RFC3: variants seen among roughly 807,000 people sequenced by gnomAD.
The protein encoded by RFC3 is A1 38 kDa subunit.
RFC3 carries 41 observed loss-of-function variants against 45.1 expected under a neutral mutation model. That is an observed-to-expected ratio of 0.91 (90% CI 0.71 to 1.18). The LOEUF is 1.18. Ranked by LOEUF, RFC3 falls within the 50% of genes most tolerant of loss-of-function variation. The pLI is 0.00. For synonymous variants in RFC3, 149 were observed against 144.0 expected, an observed-to-expected ratio of 1.03 and a Z score of -0.25; for missense variants, 423 against 428.1, an observed-to-expected ratio of 0.99 and a Z score of 0.10.
At chr13:33,851,595 G>A (rs1048233497) in intron 8 of RFC3, among the ~76,000 whole-genome samples, 4 of 152,058 alleles carry the variant, frequency 2.6e-5, no homozygotes, top group African/African-American at 9.7e-5. Flanking sequence ...TGTTGAGCAG[G>A]CTGTTGAGGA....
intron 8 of RFC3, among the ~76,000 whole-genome samples, chr13:33,954,279 A>C (rs753369417): frequency 6.6e-5 from 10 of 152,230 alleles, no homozygotes; most frequent in Non-Finnish European, 1.2e-4. Flanking sequence ...TTAGAGTTTC[A>C]TAAGTGTAGC....
intron 8 of RFC3, among the ~76,000 whole-genome samples, chr13:33,949,498 A>G (rs1042789796): frequency 3.3e-5 from 5 of 152,198 alleles, no homozygotes; most frequent in African/African-American, 7.2e-5. Context: ...TAGTTTATGT[A>G]TTGGTTATTC....
At chr13:33,861,137 C>T (rs2082338359) in intron 8 of RFC3, among the ~76,000 whole-genome samples, 1 of 152,004 alleles carries the variant, frequency 6.6e-6, no homozygotes, top group Non-Finnish European at 1.5e-5. Context: ...CTAGTTAAAG[C>T]TTCATGTCAT....
At chr13:33,943,554 TC>T (rs2082937186) in intron 8 of RFC3, among the ~76,000 whole-genome samples, 1 of 152,196 alleles carries the variant, frequency 6.6e-6, no homozygotes, top group African/African-American at 2.4e-5. Flanking sequence ...CACGATTTGA[TC>T]ATTATGTATT....
At chr13:33,822,899 A>G (rs1161246355) in intron 2 of RFC3, among the ~76,000 whole-genome samples, 1 of 152,206 alleles carries the variant, frequency 6.6e-6, no homozygotes, top group East Asian at 1.9e-4. Context: ...CATAAAATCA[A>G]TAGAAAAAGA....
In RFC3 at chr13:33,868,537, T is replaced by G. The variant is rs971849628; in HGVS notation, c.879+33320T>G. On this transcript the variant is annotated intron_variant, in intron 8 of 8. Coordinates refer to the RFC3 transcript ENST00000434425. ...TGGGGCAAGTCTTCACTTGTAACTT[T>G]GTAACTTCAGCCTCTGATTGGTCAC... Among the ~76,000 whole-genome samples the G allele has an allele frequency of 2.6e-5, 4 of 152,348 alleles. No homozygotes were observed. In the South Asian group the frequency reaches 8.3e-4, roughly 32 times the overall value.
At chr13:33,868,064 C>T (rs1016456078) in intron 8 of RFC3, among the ~76,000 whole-genome samples, 1 of 152,130 alleles carries the variant, frequency 6.6e-6, no homozygotes, top group African/African-American at 2.4e-5. Context: ...GGGTTGCCTT[C>T]CTTTGCTGGG....
At chr13:33,972,823 A>T in the RFC3 span, among the ~76,000 whole-genome samples, 3 of 152,184 alleles carry the variant, frequency 2.0e-5, no homozygotes, top group African/African-American at 7.2e-5. Flanking sequence ...TGTATTACAC[A>T]TATAATACAA....
intron 8 of RFC3, among the ~76,000 whole-genome samples, chr13:33,891,922 A>G (rs1204354749): frequency 6.6e-6 from 1 of 152,202 alleles, no homozygotes; most frequent in East Asian, 1.9e-4. Flanking sequence ...TTAACGAGAC[A>G]TCAGAAAATA....
intron 8 of RFC3, among the ~76,000 whole-genome samples, chr13:33,924,450 G>A (rs558859983): frequency 6.6e-6 from 1 of 151,856 alleles, no homozygotes; most frequent in South Asian, 2.1e-4. Context: ...TTTACTTACC[G>A]CTATTATAGC....
intron 8 of RFC3, among the ~76,000 whole-genome samples, chr13:33,889,937 A>AT (rs752667632): frequency 6.6e-6 from 1 of 152,214 alleles, no homozygotes; most frequent in Non-Finnish European, 1.5e-5. Context: ...GAACAAAGAC[A>AT]TTTTGTTAGC....
intron 7 of RFC3, among the ~76,000 whole-genome samples, chr13:33,833,219 G>A (rs966751114): frequency 6.6e-6 from 1 of 151,972 alleles, no homozygotes; most frequent in Admixed American, 6.6e-5. Flanking sequence ...AATATTTGTG[G>A]TCTCGATTTT....
At chr13:33,946,536 A>G (rs963096881) in intron 8 of RFC3, among the ~76,000 whole-genome samples, 3 of 152,236 alleles carry the variant, frequency 2.0e-5, no homozygotes, top group African/African-American at 7.2e-5. Flanking sequence ...AACCCTTTAC[A>G]TGTTAACGTA....
In RFC3 at chr13:33,855,143, C is replaced by T. The variant is rs895435332; in HGVS notation, c.879+19926C>T. ...CTCCTCCTTTGTGCTTTATAATCTG[C>T]GCTGTGGCTGCTTTTCTTGAGGCTT... On this transcript the variant is annotated intron_variant, in intron 8 of 8. Coordinates refer to the RFC3 transcript ENST00000434425. Among the ~76,000 whole-genome samples, 116 of 152,264 alleles carry T rather than the reference C, an allele frequency of 7.6e-4. 1 individual carries two copies. The highest frequency in any genetic ancestry group is 2.7e-3 in the African/African-American group (111 of 41,580).
At chr13:33,899,806 G>GATAAAT (rs1261303489) in intron 8 of RFC3, among the ~76,000 whole-genome samples, 3 of 151,840 alleles carry the variant, frequency 2.0e-5, no homozygotes, top group Non-Finnish European at 4.4e-5. Flanking sequence ...AAAACTGTTA[G>GATAAAT]AACTGATAAA....
At chr13:33,902,943 GT>G (rs1170016708) in intron 8 of RFC3, among the ~76,000 whole-genome samples, 2 of 151,736 alleles carry the variant, frequency 1.3e-5, no homozygotes, top group East Asian at 3.9e-4. Context: ...AAAAGATCCC[GT>G]AATGTTTTAA....
chr13:33,829,831 C>T lies in RFC3; in HGVS notation c.392-5C>T. On this transcript the variant is annotated splice_polypyrimidine_tract_variant and splice_region_variant and intron_variant, in intron 4 of 8. Transcript: ENST00000380071. ...TAAAGTTTGTTTTGTTTCTCTTTGA[C>T]TCAGTGGTATTATTGACAGAAGTTG... 6.2e-7 allele frequency: 1 copy of T among 1,612,376 alleles called. No individual in the cohort carries two copies. Among genetic ancestry groups the T allele is most frequent in the Non-Finnish European group, 8.5e-7 (1 of 1,178,442 alleles).
At chr13:33,976,728 G>C in the RFC3 span, among the ~76,000 whole-genome samples, 1 of 151,996 alleles carries the variant, frequency 6.6e-6, no homozygotes, top group African/African-American at 2.4e-5. Context: ...AAAAATAAAA[G>C]GGGGTGAGGA....
chr13:33,880,420 A>C (rs900911700), intron 8 of RFC3, among the ~76,000 whole-genome samples: 1 of 152,158 alleles, frequency 6.6e-6, no homozygotes, highest in Non-Finnish European at 1.5e-5. Flanking sequence ...GGGTCAGAAA[A>C]GACGAATTAG....
Sources: allele counts gnomAD v4.1 joint callset (sites outside exome capture counted in the v4.1 genomes callset), GRCh38; gene constraint gnomAD v4.1.1; transcripts MANE v1.5; gene names NCBI Gene and HGNC (gene_info 2026-07-23, HGNC 2026-07-21).